The following TNKS2 variants were observed in gnomAD, a reference collection of about 807,000 sequenced individuals.
TNKS2 encodes tankyrase 2, also known as poly [ADP-ribose] polymerase tankyrase-2.
A neutral mutation model predicts 137.6 loss-of-function variants in TNKS2; 72 were observed. The observed-to-expected ratio is 0.52, with a 90% CI of 0.43 to 0.64. The LOEUF (loss-of-function observed/expected upper bound fraction) is 0.64, where lower values mean the gene tolerates loss of function less well. Ranked by LOEUF, TNKS2 falls within the 30% of genes least tolerant of loss-of-function variation. The pLI, the probability that TNKS2 is intolerant of heterozygous loss-of-function variation, is 0.00. For synonymous variants in TNKS2, 516 were observed against 512.1 expected, an observed-to-expected ratio of 1.01 and a Z score of -0.10; for missense variants, 1,049 against 1,410.2, an observed-to-expected ratio of 0.74 and a Z score of 4.10.
At position 91,840,692 on chromosome 10, in the gene TNKS2, T is replaced by A. The variant is rs1260807834; in HGVS notation, c.1659T>A (p.His553Gln). ...EYLLQHGADVHAKDKGGLVPL... is the reference protein window; with the variant it reads ...EYLLQHGADVQAKDKGGLVPL... ...TGCTACAGCATGGAGCTGATGTGCA[T>A]GCTAAAGATAAAGGGTAAATGCCAA... The change falls in exon 14 of 27, where the codon CAT (histidine) becomes CAA (glutamine). Residue 553 changes from histidine to glutamine, a missense_variant. Physicochemically the swap from His to Gln is conservative, Grantham distance 24. Around this residue, in one of 6 missense-constraint regions of TNKS2, gnomAD observed 328 missense variants for 436.0 expected, o/e 0.75. Transcript: ENST00000371627. 1 of 1,613,396 alleles carries A rather than the reference T, an allele frequency of 6.2e-7. No individual in the cohort carries two copies. The highest frequency in any genetic ancestry group is 1.1e-5 in the South Asian group (1 of 90,842).
chr10:91,853,181 T>A (rs942069337), intron 21 of TNKS2, among the ~76,000 whole-genome samples: 1 of 152,220 alleles, frequency 6.6e-6, no homozygotes, highest in African/African-American at 2.4e-5. Context: ...GTATTAAACA[T>A]ATCATAGCTA....
At position 91,807,230 on chromosome 10, in the gene TNKS2, C is replaced by A. The variant is rs534782990; in HGVS notation, c.200-5753C>A. ...GGGCTTCCTTGGCTACCATAAGTCG[C>A]ATTAGTTGACTGTGGAATTTCTCAA... On this transcript the variant is annotated intron_variant, in intron 1 of 26. Coordinates refer to ENST00000371627, the MANE Select transcript of TNKS2 (RefSeq NM_025235.4). The A allele has an allele frequency of 6.4e-5, 103 of 1,605,708 alleles. 3 individuals carry two copies. The South Asian group carries it at 1.1e-3, about 17-fold the overall frequency.
chr10:91,836,911 T>TC lies in TNKS2; in HGVS notation c.1448-8_1448-7insC. ...TTAGTCACTCTTCTCTCTCTCTCTC[T>TC]TTTTTAGAGGGTATCTCATTAGGTA... On this transcript the variant is annotated splice_polypyrimidine_tract_variant and splice_region_variant and intron_variant, in intron 12 of 26. Coordinates refer to ENST00000371627, the MANE Select transcript of TNKS2 (RefSeq NM_025235.4). The TC allele has an allele frequency of 6.2e-7, 1 of 1,609,818 alleles. No homozygotes were observed. The highest frequency in any genetic ancestry group is 8.5e-7 in the Non-Finnish European group (1 of 1,178,176).
At chr10:91,845,394 A>G (rs980727992) in intron 17 of TNKS2, among the ~76,000 whole-genome samples, 3 of 152,238 alleles carry the variant, frequency 2.0e-5, no homozygotes, top group Non-Finnish European at 4.4e-5. Context: ...GTGACATTCA[A>G]AATTGACCAT....
Position 91,860,080 on chromosome 10 carries a change from T to A in TNKS2, c.3281+432T>A, listed in dbSNP as rs1842814479. ...ACTGTGATACGATCCTAATCCTCAA[T>A]TTGCAATATTACTATAAGAACTTGA... On this transcript the variant is annotated intron_variant, in intron 25 of 26. Coordinates refer to ENST00000371627, the MANE Select transcript of TNKS2 (RefSeq NM_025235.4). Among the ~76,000 whole-genome samples the A allele has an allele frequency of 2.6e-5, 4 of 152,272 alleles. No homozygotes were observed. The South Asian group carries it at 8.3e-4, about 32-fold the overall frequency.
At chr10:91,822,093 G>A (rs775850776) in intron 6 of TNKS2, among the ~76,000 whole-genome samples, 1 of 152,190 alleles carries the variant, frequency 6.6e-6, no homozygotes, top group Admixed American at 6.5e-5. Flanking sequence ...AAAGGAACAT[G>A]GATTTGAAAG....
chr10:91,827,035 G>A lies in TNKS2; in HGVS notation c.814G>A (p.Ala272Thr). Residue 272 changes from alanine (A) to threonine (T), a missense_variant, in exon 8 of 27, where the codon GCA (alanine) becomes ACA (threonine). By Grantham distance (58) the Ala-to-Thr change is moderately conservative. Coordinates refer to ENST00000371627, the MANE Select transcript of TNKS2 (RefSeq NM_025235.4). ...LLVKHGACVN[A>T]MDLWQFTPLH... is the part of the protein sequence containing the mutation. ...TCTCCAGCATGGTGCCTGTGTAAAT[G>A]CAATGGACTTGTGGCAATTCACTCC... The A allele has an allele frequency of 6.3e-7, 1 of 1,587,262 alleles. No individual in the cohort carries two copies. Among genetic ancestry groups the A allele is most frequent in the Non-Finnish European group, 8.6e-7 (1 of 1,169,024 alleles).
Position 91,859,663 on chromosome 10 carries a change from G to T in TNKS2, c.3281+15G>T. 1 of 1,600,610 alleles carries T rather than the reference G, an allele frequency of 6.2e-7. No individual in the cohort carries two copies. Among genetic ancestry groups the T allele is most frequent in the African/African-American group, 1.3e-5 (1 of 74,328 alleles). ...ATTTGCCACAGGTAAGAGATCACTT[G>T]TTCTCATTTATTTTGGTGGTAATCA... On this transcript the variant is annotated intron_variant, in intron 25 of 26. Coordinates refer to ENST00000371627, the MANE Select transcript of TNKS2 (RefSeq NM_025235.4).
At chr10:91,851,071 C>T (rs1430944186) in intron 20 of TNKS2, 145 bp from the exon 21 acceptor site, 6 of 1,110,898 alleles carry the variant, frequency 5.4e-6, no homozygotes, top group Non-Finnish European at 7.4e-6. Flanking sequence ...TGCTCAGGTT[C>T]TTATGCTAAA....
chr10:91,861,653 T>C (rs1195613276), intron 25 of TNKS2, among the ~76,000 whole-genome samples: 1 of 152,202 alleles, frequency 6.6e-6, no homozygotes, highest in East Asian at 1.9e-4. Flanking sequence ...TGTCCAACTT[T>C]GCAAGCCACT....
chr10:91,807,959 G>T (rs1844381963), intron 1 of TNKS2, among the ~76,000 whole-genome samples: 1 of 147,252 alleles, frequency 6.8e-6, no homozygotes, highest in Non-Finnish European at 1.5e-5. Flanking sequence ...TTGGGCCACT[G>T]CACTTCAGCC....
At chr10:91,827,312 A>T in intron 8 of TNKS2, 109 bp downstream of exon 8, 1 of 919,210 alleles carries the variant, frequency 1.1e-6, no homozygotes, top group Non-Finnish European at 1.5e-6. Context: ...TATTTTTCTT[A>T]GCCATGGGCA....
At chr10:91,824,642 A>G (rs562418723) in intron 7 of TNKS2, among the ~76,000 whole-genome samples, 6 of 152,230 alleles carry the variant, frequency 3.9e-5, no homozygotes, top group South Asian at 2.1e-4. Flanking sequence ...GCACACTTCT[A>G]TGGTTGACTT....
chr10:91,863,195 T>C lies in TNKS2; in HGVS notation c.*196T>C. On this transcript the variant is annotated 3_prime_UTR_variant, in exon 27 of 27. Transcript: ENST00000371627. ...TACAGTGTTTTCTAAATATTTCCTG[T>C]TTTTTCAGCACTTTAACAGATGCCA... is the stretch of plus-strand genomic sequence containing the variant. The C allele has an allele frequency of 9.8e-6, 4 of 407,876 alleles. No homozygotes were observed. Among genetic ancestry groups the C allele is most frequent in the Non-Finnish European group, 1.8e-5 (4 of 224,730 alleles). 25.3% of individuals were successfully genotyped at this position (407,876 alleles called of 1,614,324 possible). A position where few individuals can be genotyped will look rare whatever the true frequency, so the allele number is the denominator to read the frequency against.
At position 91,863,816 on chromosome 10, in the gene TNKS2, T is replaced by G. The variant is rs975989628; in HGVS notation, c.*817T>G. The G allele has an allele frequency of 1.3e-5, 2 of 152,192 alleles. No homozygotes were observed. Among genetic ancestry groups the G allele is most frequent in the African/African-American group, 4.8e-5 (2 of 41,454 alleles). The allele number at this position is 152,192 out of a possible 1,614,324, so 9.4% of individuals were successfully genotyped here. ...GTTGGAAAATTTTCTGCAGTCCTTC[T>G]GTGAAAATTAGAGCAAAGTGCTCCT... On this transcript the variant is annotated 3_prime_UTR_variant, in exon 27 of 27. Coordinates refer to ENST00000371627, the MANE Select transcript of TNKS2 (RefSeq NM_025235.4).
At chr10:91,810,882 ATTCTT>A (rs1343432526) in intron 1 of TNKS2, among the ~76,000 whole-genome samples, 2 of 59,914 alleles carry the variant, frequency 3.3e-5, no homozygotes, top group African/African-American at 1.2e-4. Flanking sequence ...GCATTTGTTT[ATTCTT>A]TTCTTTTTTC....
intron 13 of TNKS2, among the ~76,000 whole-genome samples, chr10:91,840,176 C>T (rs917437816): frequency 6.6e-6 from 1 of 152,104 alleles, no homozygotes; most frequent in Non-Finnish European, 1.5e-5. Context: ...CCCGCCTCTA[C>T]TAAAAATATA....
intron 21 of TNKS2, among the ~76,000 whole-genome samples, chr10:91,854,122 A>G (rs1316728422): frequency 1.4e-5 from 2 of 147,278 alleles, no homozygotes; most frequent in East Asian, 4.0e-4. Flanking sequence ...TACATTCAAT[A>G]GGTGGTAAAC....
At position 91,831,087 on chromosome 10, in the gene TNKS2, A is replaced by G. The variant is rs1845230933; in HGVS notation, c.1197-16A>G. 2.5e-6 allele frequency: 4 copies of G among 1,613,582 alleles called. No individual in the cohort carries two copies. Among genetic ancestry groups the G allele is most frequent in the Non-Finnish European group, 2.5e-6 (3 of 1,179,810 alleles). ...GGAAAATATATTCACTGTCTGGCTGATTTTTTCTCTCTAAGATTCTTGACT... is the reference window on the plus strand; with the variant it reads ...GGAAAATATATTCACTGTCTGGCTGGTTTTTTCTCTCTAAGATTCTTGACT... On this transcript the variant is annotated splice_polypyrimidine_tract_variant and intron_variant, in intron 10 of 26. Transcript: ENST00000371627.
Sources: allele counts gnomAD v4.1 joint callset (sites outside exome capture counted in the v4.1 genomes callset), GRCh38; gene constraint gnomAD v4.1.1; regional missense constraint gnomAD v4.1.1; transcripts MANE v1.5; gene names NCBI Gene and HGNC (gene_info 2026-07-23, HGNC 2026-07-21).